Variants in RBM33 observed in about 807,000 individuals in gnomAD.
The protein encoded by RBM33 is RNA-binding protein 33.
RBM33 carries 28 observed loss-of-function variants against 132.6 expected under a neutral mutation model. That is an observed-to-expected ratio of 0.21 (90% CI 0.16 to 0.29). The LOEUF (loss-of-function observed/expected upper bound fraction) is 0.29, where lower values mean the gene tolerates loss of function less well. RBM33 is among the 10% of genes least tolerant of loss of function. The pLI, the probability that RBM33 is intolerant of heterozygous loss-of-function variation, is 1.00. For missense variants in RBM33, 1,291 were observed against 1,518.5 expected, an observed-to-expected ratio of 0.85 and a Z score of 2.49; for synonymous variants, 634 against 593.0, an observed-to-expected ratio of 1.07 and a Z score of -1.01.
intron 9 of RBM33, 108 bp from the exon 10 acceptor site, chr7:155,737,422 T>A: frequency 3.6e-6 from 4 of 1,113,818 alleles, no homozygotes; most frequent in Non-Finnish European, 5.0e-6. Context: ...GGAGACACGT[T>A]ACTTGACATT....
Position 155,764,285 on chromosome 7 carries a change from C to T in RBM33, c.3186+267C>T, listed in dbSNP as rs545280948. Among the ~76,000 whole-genome samples the T allele has an allele frequency of 2.6e-5, 4 of 152,326 alleles. No individual in the cohort carries two copies. The East Asian group carries it at 7.7e-4, about 29-fold the overall frequency. ...GCTTCCTGCCGCTCTGAACTGTCGA[C>T]CCAGCAGCATCTGCTGTGCTCTCGG... On this transcript the variant is annotated intron_variant, in intron 15 of 17. Coordinates refer to ENST00000401878, the MANE Select transcript of RBM33 (RefSeq NM_053043.3).
chr7:155,702,856 G>A (rs1181085436), intron 6 of RBM33, among the ~76,000 whole-genome samples: 5 of 152,220 alleles, frequency 3.3e-5, no homozygotes, highest in Admixed American at 1.3e-4. Flanking sequence ...TAAAAGCATA[G>A]TCACTGAGAA....
Position 155,775,355 on chromosome 7 carries a change from A to G in RBM33, c.*314A>G. ...ACATTGTTCTTTGTGGTCTGACTCT[A>G]TGATCGATCACAGTGACTTAGATTC... On this transcript the variant is annotated 3_prime_UTR_variant, in exon 18 of 18. Transcript: ENST00000401878. 1 of 500,108 alleles carries G rather than the reference A, an allele frequency of 2.0e-6. No individual in the cohort carries two copies. The highest frequency in any genetic ancestry group is 3.7e-6 in the Non-Finnish European group (1 of 273,178). 31.0% of individuals were successfully genotyped at this position (500,108 alleles called of 1,614,324 possible).
chr7:155,733,299 G>A (rs1487470438), intron 9 of RBM33, among the ~76,000 whole-genome samples: 1 of 152,082 alleles, frequency 6.6e-6, no homozygotes, highest in Non-Finnish European at 1.5e-5. Context: ...ATTTTGATAA[G>A]ATTTCTTATT....
chr7:155,644,705 C>T lies in RBM33; in HGVS notation c.-172C>T, dbSNP rs183713283. The T allele has an allele frequency of 4.1e-6, 2 of 483,824 alleles. No homozygotes were observed. Among genetic ancestry groups the T allele is most frequent in the Non-Finnish European group, 7.2e-6 (2 of 279,262 alleles). 30.0% of individuals were successfully genotyped at this position (483,824 alleles called of 1,614,324 possible). Reference sequence around the variant, plus strand: ...TGTTGCGGTAGTTTGTTGTTTTCTTCCTGCGGAGGCGAAGGGCCAGCTGTG... The same window carrying T: ...TGTTGCGGTAGTTTGTTGTTTTCTTTCTGCGGAGGCGAAGGGCCAGCTGTG... On this transcript the variant is annotated 5_prime_UTR_variant, in exon 1 of 18. Transcript: ENST00000401878.
At chr7:155,737,832 T>C (rs1284913019) in intron 10 of RBM33, among the ~76,000 whole-genome samples, 170 bp downstream of exon 10, 1 of 152,176 alleles carries the variant, frequency 6.6e-6, no homozygotes, top group African/African-American at 2.4e-5. Flanking sequence ...AAATTGGACA[T>C]TGTTGGTATC....
Position 155,691,199 on chromosome 7 carries a change from T to C in RBM33, c.568-9574T>C, listed in dbSNP as rs189264608. On this transcript the variant is annotated intron_variant, in intron 5 of 17. Coordinates refer to ENST00000401878, the MANE Select transcript of RBM33 (RefSeq NM_053043.3). ...CTCTTTTTTCTCTAAACTTCTCTTC[T>C]GGCTTCATTTCATTCATTTGATCTC... is the stretch of plus-strand genomic sequence containing the variant. 4.0e-4 allele frequency among the ~76,000 whole-genome samples: 61 copies of C among 152,346 alleles called. 1 individual carries two copies. Among genetic ancestry groups the C allele is most frequent in the African/African-American group, 1.3e-3 (54 of 41,570 alleles).
intron 16 of RBM33, among the ~76,000 whole-genome samples, chr7:155,772,999 A>T (rs985548356): frequency 9.9e-5 from 15 of 152,228 alleles, no homozygotes; most frequent in Admixed American, 8.5e-4. Flanking sequence ...GTAACTTTTT[A>T]AAACACTTTC....
intron 2 of RBM33, among the ~76,000 whole-genome samples, chr7:155,669,097 T>G (rs1026558831): frequency 2.0e-5 from 3 of 152,168 alleles, no homozygotes; most frequent in Non-Finnish European, 4.4e-5. Context: ...TTTTGCCACA[T>G]GTATTTCTTT....
At chr7:155,652,679 T>C (rs1293268116) in intron 1 of RBM33, among the ~76,000 whole-genome samples, 1 of 152,218 alleles carries the variant, frequency 6.6e-6, no homozygotes, top group Non-Finnish European at 1.5e-5. Flanking sequence ...TCTTGTACAA[T>C]GTTTAGGCCT....
At chr7:155,751,161 G>A (rs1228178260) in intron 14 of RBM33, among the ~76,000 whole-genome samples, 1 of 152,156 alleles carries the variant, frequency 6.6e-6, no homozygotes, top group African/African-American at 2.4e-5. Flanking sequence ...TATAATTTTA[G>A]TTTTAAGAAC....
intron 16 of RBM33, among the ~76,000 whole-genome samples, chr7:155,767,830 C>A (rs1340022998): frequency 2.6e-5 from 4 of 152,232 alleles, no homozygotes; most frequent in African/African-American, 9.6e-5. Flanking sequence ...AACAATTGAT[C>A]ATAATCTGGA....
At chr7:155,748,214 G>C (rs760544844) in intron 14 of RBM33, among the ~76,000 whole-genome samples, 2 of 152,102 alleles carry the variant, frequency 1.3e-5, no homozygotes, top group Non-Finnish European at 2.9e-5. Flanking sequence ...GTTGGTTCGC[G>C]TTTCCCATTT....
intron 3 of RBM33, among the ~76,000 whole-genome samples, chr7:155,673,945 T>TGTTTG (rs1563138321): frequency 1.1e-5 from 1 of 88,492 alleles, no homozygotes; most frequent in South Asian, 4.8e-4. Flanking sequence ...GCTTAGTTTT[T>TGTTTG]TTTTTTTTTT....
chr7:155,745,272 T>G lies in RBM33; in HGVS notation c.2649T>G (p.Ile883Met), dbSNP rs1427470075. The G allele has an allele frequency of 2.5e-6, 4 of 1,612,836 alleles. No individual in the cohort carries two copies. The highest frequency in any genetic ancestry group is 2.2e-5 in the South Asian group (2 of 90,786). The change falls in exon 14 of 18, where the codon ATT becomes ATG. Residue 883 changes from isoleucine to methionine, a missense_variant. By Grantham distance (10) the Ile-to-Met change is conservative. This residue lies in a region of RBM33 where 841 missense variants were observed against 912.0 expected (regional missense o/e 0.92). Transcript: ENST00000401878. This position sits in a 1 kb window ranked among gnomAD's most constrained non-coding sequence, Gnocchi z 4.1. ...RLLVKNQDVS[I>M]SNVQPKTSNF... is the part of the protein sequence containing the mutation. Reference sequence around the variant, plus strand: ...TTGTTAAAAACCAGGATGTCAGTATTTCAAACGTTCAGCCCAAAACATCCA... The same window carrying G: ...TTGTTAAAAACCAGGATGTCAGTATGTCAAACGTTCAGCCCAAAACATCCA...
intron 9 of RBM33, among the ~76,000 whole-genome samples, chr7:155,726,024 C>T (rs1208945657): frequency 2.6e-5 from 4 of 152,148 alleles, no homozygotes; most frequent in South Asian, 4.1e-4. Context: ...ATTTTAATTA[C>T]GTCAGGGGTC....
chr7:155,695,407 A>G (rs898657390), intron 5 of RBM33, among the ~76,000 whole-genome samples: 5 of 152,280 alleles, frequency 3.3e-5, no homozygotes, highest in South Asian at 2.1e-4. Context: ...AGATAATTAC[A>G]TATTACATAT....
chr7:155,644,834 CTGGCT>C lies in RBM33; in HGVS notation c.-39_-35del. On this transcript the variant is annotated 5_prime_UTR_variant, in exon 1 of 18. Coordinates refer to ENST00000401878, the MANE Select transcript of RBM33 (RefSeq NM_053043.3). ...CGGACCAGGCACGTCGGCCCACCAG[CTGGCT>C]TGGTGGGGGAGGCTGAAGGCCGGGC... The C allele has an allele frequency of 6.9e-7, 1 of 1,448,882 alleles. No homozygotes were observed. Among genetic ancestry groups the C allele is most frequent in the Non-Finnish European group, 9.1e-7 (1 of 1,100,232 alleles). The allele number at this position is 1,448,882 out of a possible 1,614,324, so 89.8% of individuals were successfully genotyped here.
chr7:155,753,352 T>G (rs1563176810), intron 14 of RBM33, among the ~76,000 whole-genome samples: 1 of 152,252 alleles, frequency 6.6e-6, no homozygotes. Context: ...GTGGCAAATC[T>G]GCAGTGGTAA....
Sources: allele counts gnomAD v4.1 joint callset (sites outside exome capture counted in the v4.1 genomes callset), GRCh38; gene constraint gnomAD v4.1.1; regional missense constraint gnomAD v4.1.1; non-coding constraint Gnocchi (gnomAD v3.1); transcripts MANE v1.5; gene names NCBI Gene and HGNC (gene_info 2026-07-23, HGNC 2026-07-21).